Variants in ITGB1 observed in about 807,000 individuals in gnomAD.
The protein encoded by ITGB1 is integrin subunit beta 1, also known as integrin beta-1.
A neutral mutation model predicts 86.5 loss-of-function variants in ITGB1; 24 were observed. The ratio of observed to expected loss-of-function variants is 0.28; its 90% CI spans 0.20 to 0.39. The LOEUF is 0.39. ITGB1 is among the 10% of genes least tolerant of loss of function. The pLI, the probability that ITGB1 is intolerant of heterozygous loss-of-function variation, is 1.00. For missense variants in ITGB1, 556 were observed against 946.9 expected (o/e 0.59, Z 5.42); for synonymous variants, 323 against 316.8 (o/e 1.02, Z -0.21).
chr10:32,949,445 T>G (rs1405055609), intron 1 of ITGB1, among the ~76,000 whole-genome samples: 1 of 152,228 alleles, frequency 6.6e-6, no homozygotes, highest in Non-Finnish European at 1.5e-5. Context: ...GCTTATAATG[T>G]TCTATGAGTT....
At chr10:32,947,336 G>T (rs1457260350) in intron 1 of ITGB1, among the ~76,000 whole-genome samples, 4 of 151,994 alleles carry the variant, frequency 2.6e-5, no homozygotes, top group Middle Eastern at 3.4e-3. Flanking sequence ...AGACCAAGGT[G>T]TGAGAAGTAT....
intron 7 of ITGB1, among the ~76,000 whole-genome samples, chr10:32,923,379 G>A (rs1415993310): frequency 3.9e-5 from 6 of 152,276 alleles, no homozygotes; most frequent in Non-Finnish European, 8.8e-5. Flanking sequence ...TGAGGCCCTT[G>A]TCTGAGCAGA....
chr10:32,913,301 C>T (rs1032364544), intron 11 of ITGB1, among the ~76,000 whole-genome samples: 1 of 152,168 alleles, frequency 6.6e-6, no homozygotes, highest in African/African-American at 2.4e-5. Context: ...CGGAACAAAG[C>T]CGGACGGAGA....
intron 3 of ITGB1, among the ~76,000 whole-genome samples, chr10:32,932,283 G>A (rs1271938491): frequency 6.6e-6 from 1 of 152,016 alleles, no homozygotes; most frequent in Non-Finnish European, 1.5e-5. Context: ...TTAATACTAA[G>A]TCTTTGAAAT....
intron 1 of ITGB1, among the ~76,000 whole-genome samples, chr10:32,946,755 G>A (rs1385169450): frequency 9.3e-6 from 1 of 107,208 alleles, no homozygotes; most frequent in African/African-American, 3.2e-5. Context: ...TTTCTGGGGG[G>A]GGGGGGGGGA....
intron 1 of ITGB1, among the ~76,000 whole-genome samples, chr10:32,956,058 T>TA (rs2095051539): frequency 6.6e-6 from 1 of 152,244 alleles, no homozygotes; most frequent in Admixed American, 6.5e-5. Context: ...TCCACCTTCA[T>TA]ACTCAATTTT....
At chr10:32,906,427 T>C (rs992147485) in intron 15 of ITGB1, 6 of 215,892 alleles carry the variant, frequency 2.8e-5, no homozygotes, top group Admixed American at 1.1e-4. Context: ...CCATCTCTAC[T>C]AAAAACAAAA....
At position 32,925,856 on chromosome 10, in the gene ITGB1, A is replaced by G. The variant is rs200863808; in HGVS notation, c.786+15T>C. 90 of 1,436,852 alleles carry G rather than the reference A, an allele frequency of 6.3e-5. No individual in the cohort carries two copies. The East Asian group carries it at 2.0e-3, about 32-fold the overall frequency. 89.0% of individuals were successfully genotyped at this position (1,436,852 alleles called of 1,614,324 possible). A position where few individuals can be genotyped will look rare whatever the true frequency, so the allele number is the denominator to read the frequency against. ...ATAGAAACAATATCCCCTGATAGGA[A>G]ATGAATGCGCTTACTCCACAAACTG... On this transcript the variant is annotated intron_variant, in intron 6 of 15. Transcript: ENST00000302278.
intron 9 of ITGB1, 108 bp from the exon 10 acceptor site, chr10:32,920,493 C>T (rs2094945957): frequency 4.2e-6 from 4 of 949,776 alleles, no homozygotes; most frequent in Non-Finnish European, 6.3e-6. Flanking sequence ...AATAAAGTAT[C>T]TACAAGCCAA....
chr10:32,931,094 CTAA>C (rs1416051737), intron 3 of ITGB1, among the ~76,000 whole-genome samples: 2 of 152,054 alleles, frequency 1.3e-5, no homozygotes, highest in African/African-American at 2.4e-5. Flanking sequence ...AAACATCATA[CTAA>C]TGAGAGTATT....
chr10:32,941,514 C>A (rs888887923), intron 1 of ITGB1, among the ~76,000 whole-genome samples: 1 of 152,080 alleles, frequency 6.6e-6, no homozygotes, highest in Non-Finnish European at 1.5e-5. Context: ...GCAGGAAGAG[C>A]TACGTTACAG....
intron 11 of ITGB1, among the ~76,000 whole-genome samples, chr10:32,912,482 C>T (rs558094990): frequency 6.6e-6 from 1 of 152,304 alleles, no homozygotes; most frequent in Admixed American, 6.5e-5. Context: ...AAACGGAACA[C>T]CAGAAGATTA....
rs1310160233 is a variant in ITGB1 at position 32,931,097 on chromosome 10, ATG to A, written c.154-1055_154-1054del. The stretch of plus-strand genomic sequence containing the variant: ...ATTTTTTAAGAGAAACATCATACTA[ATG>A]AGAGTATTTATGTAATCAACAACTG... On this transcript the variant is annotated intron_variant, in intron 3 of 15. Coordinates refer to ENST00000302278, the MANE Select transcript of ITGB1 (RefSeq NM_002211.4). Among the ~76,000 whole-genome samples, 6 of 152,282 alleles carry A rather than the reference ATG, an allele frequency of 3.9e-5. No homozygotes were observed. The East Asian group carries it at 1.2e-3, about 29-fold the overall frequency.
In ITGB1 at chr10:32,911,551, G is replaced by A. The variant is rs2094913368; in HGVS notation, c.1828C>T (p.Arg610Trp). The change falls in exon 13 of 16, where the codon CGG becomes TGG. Residue 610 changes from arginine (R) to tryptophan (W), a missense_variant. Physicochemically the swap from Arg to Trp is moderately radical, Grantham distance 101 (BLOSUM62 -3). Around this residue, in one of 4 missense-constraint regions of ITGB1, gnomAD observed 330 missense variants for 531.5 expected, o/e 0.62. Transcript: ENST00000302278. ...CAGACACCACACTCGCAGATGCCCC[G>A]GCCATTGCAGATCTGTCCGTTGCTG... ...EASNGQICNG[R>W]GICECGVCKC... 3 of 1,613,866 alleles carry A rather than the reference G, an allele frequency of 1.9e-6. No homozygotes were observed. Among genetic ancestry groups the A allele is most frequent in the African/African-American group, 1.3e-5 (1 of 74,870 alleles).
chr10:32,905,852 TAC>T (rs2094894806), intron 15 of ITGB1, among the ~76,000 whole-genome samples: 1 of 152,194 alleles, frequency 6.6e-6, no homozygotes, highest in African/African-American at 2.4e-5. Flanking sequence ...CAGGCCCTAT[TAC>T]AGTCAGTCAG....
At chr10:32,907,178 C>T in intron 15 of ITGB1, 3 of 922,532 alleles carry the variant, frequency 3.3e-6, no homozygotes, top group Non-Finnish European at 3.1e-6. Context: ...ATGATTTCAT[C>T]AGAAAAAAAA....
intron 1 of ITGB1, among the ~76,000 whole-genome samples, chr10:32,947,413 C>T (rs2095033718): frequency 7.6e-6 from 1 of 130,878 alleles, no homozygotes; most frequent in Admixed American, 7.6e-5. Flanking sequence ...AGACTAAAGC[C>T]AGGTGATTCA....
chr10:32,946,927 C>T (rs962198547), intron 1 of ITGB1, among the ~76,000 whole-genome samples: 4 of 152,020 alleles, frequency 2.6e-5, no homozygotes, highest in Middle Eastern at 3.4e-3. Context: ...TCACTGCAAC[C>T]TCCGCCTCCT....
In ITGB1 at chr10:32,902,027, G is replaced by A. The variant is rs2298138; in HGVS notation, c.2332-392C>T. Among the ~76,000 whole-genome samples, 363 of 152,216 alleles carry A rather than the reference G, an allele frequency of 2.4e-3. 8 individuals carry two copies. The East Asian group carries it at 0.045, about 19-fold the overall frequency. On this transcript the variant is annotated intron_variant, in intron 15 of 15. Coordinates refer to ENST00000302278, the MANE Select transcript of ITGB1 (RefSeq NM_002211.4). The stretch of plus-strand genomic sequence containing the variant: ...ACTGCCTGATTCTTATCCCTTTATC[G>A]TGAACAGAAGGCGCCTGCTAATCAA...
Sources: gnomAD v4.1 joint callset for allele counts (sites outside exome capture counted in the v4.1 genomes callset) on GRCh38, gnomAD v4.1.1 for gene constraint, gnomAD v4.1.1 regional missense constraint, MANE v1.5 for transcripts, NCBI Gene and HGNC (gene_info 2026-07-23, HGNC 2026-07-21) for gene names.